PALLD: variants seen among roughly 807,000 people sequenced by gnomAD.
PALLD encodes the protein palladin, cytoskeletal associated protein.
PALLD carries 61 observed loss-of-function variants against 123.5 expected under a neutral mutation model. The observed-to-expected ratio is 0.49, with a 90% CI of 0.40 to 0.61. The LOEUF is 0.61. PALLD is among the 20% of genes least tolerant of loss of function. The probability of loss-of-function intolerance (pLI) is 0.00; values close to 1 mark genes in which losing one functional copy is unlikely to be tolerated. For missense variants in PALLD, 1,273 were observed against 1,377.0 expected (o/e 0.92, Z 1.20); for synonymous variants, 465 against 496.4 (o/e 0.94, Z 0.84).
intron 10 of PALLD, among the ~76,000 whole-genome samples, chr4:168,719,494 A>G (rs545098220): frequency 6.6e-6 from 1 of 151,922 alleles, no homozygotes; most frequent in Non-Finnish European, 1.5e-5. Flanking sequence ...TCCTCACCTC[A>G]GGTGATCTGC....
chr4:168,657,489 A>C (rs1343772052), intron 2 of PALLD, among the ~76,000 whole-genome samples: 2 of 152,258 alleles, frequency 1.3e-5, no homozygotes, highest in Non-Finnish European at 2.9e-5. Flanking sequence ...TCTATGGACC[A>C]GGCAAAACTG....
intron 10 of PALLD, among the ~76,000 whole-genome samples, chr4:168,826,055 C>T (rs761826578): frequency 1.2e-4 from 18 of 152,146 alleles, no homozygotes; most frequent in East Asian, 1.9e-4. Context: ...CCACTGATAA[C>T]GGTATTTCAC....
intron 10 of PALLD, among the ~76,000 whole-genome samples, chr4:168,835,198 T>C (rs1280898721): frequency 6.6e-6 from 1 of 152,212 alleles, no homozygotes; most frequent in African/African-American, 2.4e-5. Flanking sequence ...TGGCACTTTT[T>C]CAGCACTTAT....
At chr4:168,565,843 TA>T (rs1383760779) in intron 2 of PALLD, among the ~76,000 whole-genome samples, 1 of 152,252 alleles carries the variant, frequency 6.6e-6, no homozygotes, top group East Asian at 1.9e-4. Flanking sequence ...TTCCTTGTCA[TA>T]TTTTTTTAAT....
chr4:168,581,625 C>G (rs976785546), intron 2 of PALLD, among the ~76,000 whole-genome samples: 1 of 151,888 alleles, frequency 6.6e-6, no homozygotes, highest in East Asian at 1.9e-4. Flanking sequence ...ACTCAGTAAA[C>G]TCAACTGAAT....
At chr4:168,893,523 T>C (rs980835317) in intron 11 of PALLD, among the ~76,000 whole-genome samples, 1 of 152,226 alleles carries the variant, frequency 6.6e-6, no homozygotes, top group African/African-American at 2.4e-5. Context: ...TCCAATCAAA[T>C]TTGCATTTAT....
chr4:168,680,805 T>C (rs911799771), intron 3 of PALLD, among the ~76,000 whole-genome samples: 3 of 152,212 alleles, frequency 2.0e-5, no homozygotes, highest in African/African-American at 7.2e-5. Context: ...ACTAAAAATC[T>C]GGTAAGTTGA....
At position 168,927,775 on chromosome 4, in the gene PALLD, T is replaced by C; in HGVS notation, c.*1595T>C. The C allele has an allele frequency of 4.5e-6, 1 of 220,758 alleles. No individual in the cohort carries two copies. Among genetic ancestry groups the C allele is most frequent in the East Asian group, 6.6e-5 (1 of 15,052 alleles). 13.7% of individuals were successfully genotyped at this position (220,758 alleles called of 1,614,324 possible). A position where few individuals can be genotyped will look rare whatever the true frequency, so the allele number is the denominator to read the frequency against. ...AGACTGAGTTGATTCTGACCAGACT[T>C]GATGGTTTTAAGTCGGAACCGATAA... On this transcript the variant is annotated 3_prime_UTR_variant, in exon 22 of 22. Transcript: ENST00000505667.
intron 8 of PALLD, among the ~76,000 whole-genome samples, chr4:168,698,559 A>G (rs1186029997): frequency 6.6e-6 from 1 of 152,114 alleles, no homozygotes; most frequent in Non-Finnish European, 1.5e-5. Flanking sequence ...TGGAGATACC[A>G]TCTCCAGCAA....
chr4:168,567,544 T>G lies in PALLD; in HGVS notation c.908+55132T>G, dbSNP rs564665367. Among the ~76,000 whole-genome samples, 285 of 146,126 alleles carry G rather than the reference T, an allele frequency of 2.0e-3. 3 individuals carry two copies. Among genetic ancestry groups the G allele is most frequent in the Middle Eastern group, 0.018 (5 of 276 alleles). ...GGTTGATTGGATAAAGAAAATGTGG[T>G]GTGTGTGTGTGTGTGTGTGTGTGTA... On this transcript the variant is annotated intron_variant, in intron 2 of 21. Coordinates refer to ENST00000505667, the MANE Select transcript of PALLD (RefSeq NM_001166108.2).
intron 2 of PALLD, chr4:168,598,388 C>G (rs1772202007): frequency 1.6e-6 from 1 of 620,680 alleles, no homozygotes. Flanking sequence ...ACTTGTTAAG[C>G]TGTCAGCACC....
intron 10 of PALLD, among the ~76,000 whole-genome samples, chr4:168,857,767 T>C (rs1477851174): frequency 6.6e-6 from 1 of 152,166 alleles, no homozygotes; most frequent in African/African-American, 2.4e-5. Flanking sequence ...TTAATCAAGA[T>C]CAATCAGATA....
At chr4:168,680,244 G>A (rs1206593006) in intron 3 of PALLD, among the ~76,000 whole-genome samples, 3 of 151,632 alleles carry the variant, frequency 2.0e-5, no homozygotes, top group African/African-American at 7.3e-5. Flanking sequence ...TTGGGAGGCC[G>A]AGGTGGGCAG....
intron 10 of PALLD, among the ~76,000 whole-genome samples, chr4:168,780,924 G>T (rs1315370795): frequency 1.3e-5 from 2 of 152,108 alleles, no homozygotes; most frequent in Admixed American, 1.3e-4. Flanking sequence ...TTGACCTTAG[G>T]TGATCTGCCC....
At chr4:168,604,235 A>G (rs766498570) in intron 2 of PALLD, among the ~76,000 whole-genome samples, 34 of 152,380 alleles carry the variant, frequency 2.2e-4, no homozygotes, top group Non-Finnish European at 4.3e-4. Context: ...CTTGAAATTC[A>G]TTACAAGCCA....
At chr4:168,712,180 G>A in intron 10 of PALLD, 1 of 552,780 alleles carries the variant, frequency 1.8e-6, no homozygotes. Context: ...TGCCCAGTGT[G>A]GGCTTCCAAC....
chr4:168,738,523 C>T (rs981819741), intron 10 of PALLD, among the ~76,000 whole-genome samples: 2 of 151,126 alleles, frequency 1.3e-5, no homozygotes, highest in Non-Finnish European at 2.9e-5. Flanking sequence ...CTCCGTCTCC[C>T]AGGTTCAAGC....
At chr4:168,514,153 G>A (rs1762783453) in intron 2 of PALLD, among the ~76,000 whole-genome samples, 1 of 151,930 alleles carries the variant, frequency 6.6e-6, no homozygotes, top group Admixed American at 6.6e-5. Flanking sequence ...TATTTGATTT[G>A]GAAAAAAATG....
At chr4:168,697,455 A>T (rs149871187) in intron 8 of PALLD, among the ~76,000 whole-genome samples, 1 of 152,326 alleles carries the variant, frequency 6.6e-6, no homozygotes, top group East Asian at 1.9e-4. Flanking sequence ...GTCTCGAGGG[A>T]CAAATGCAAT....
Sources: allele counts gnomAD v4.1 joint callset (sites outside exome capture counted in the v4.1 genomes callset), GRCh38; gene constraint gnomAD v4.1.1; transcripts MANE v1.5; gene names NCBI Gene and HGNC (gene_info 2026-07-23, HGNC 2026-07-21).